GMDS: variants seen among roughly 807,000 people sequenced by gnomAD.
GMDS encodes GDP-mannose 4,6-dehydratase.
A neutral mutation model predicts 49.9 loss-of-function variants in GMDS; 20 were observed. The observed-to-expected ratio is 0.40, with a 90% confidence interval of 0.28 to 0.58. The LOEUF (loss-of-function observed/expected upper bound fraction) is 0.58, where lower values mean the gene tolerates loss of function less well. Among genes scored for constraint, GMDS ranks in the 20% least tolerant of loss-of-function variants. GMDS has a pLI of 0.42. For synonymous variants in GMDS, 177 were observed against 178.6 expected (o/e 0.99, Z 0.07); for missense variants, 362 against 481.4 (o/e 0.75, Z 2.32).
intron 4 of GMDS, among the ~76,000 whole-genome samples, chr6:2,024,083 A>T (rs2127408670): frequency 6.6e-6 from 1 of 152,302 alleles, no homozygotes; most frequent in Non-Finnish European, 1.5e-5. Context: ...AAAATTGAGG[A>T]GAAAAGAATC....
chr6:1,731,842 G>C (rs1766820484), intron 8 of GMDS, among the ~76,000 whole-genome samples: 1 of 152,174 alleles, frequency 6.6e-6, no homozygotes, highest in Admixed American at 6.5e-5. Context: ...CACGGGGTCA[G>C]GTCAGAGGCT....
Position 1,833,706 on chromosome 6 carries a change from T to A in GMDS, c.772-91120A>T, listed in dbSNP as rs1403527616. ...GCGAAGTTTAAAACTATAACCAAGGTTGTTTAAAAAACCATTTTCACATGG... is the reference window on the plus strand; with the variant it reads ...GCGAAGTTTAAAACTATAACCAAGGATGTTTAAAAAACCATTTTCACATGG... On this transcript the variant is annotated intron_variant, in intron 7 of 10. Coordinates refer to ENST00000380815, the MANE Select transcript of GMDS (RefSeq NM_001500.4). The surrounding 1 kb of genome is among the most constrained non-coding windows in gnomAD (Gnocchi z 4.4). Among the ~76,000 whole-genome samples the A allele has an allele frequency of 6.6e-6, 1 of 152,218 alleles. No individual in the cohort carries two copies. Among genetic ancestry groups the A allele is most frequent in the Non-Finnish European group, 1.5e-5 (1 of 68,038 alleles).
At chr6:2,161,031 AGACGGAGTCT>A (rs1777372679) in intron 1 of GMDS, among the ~76,000 whole-genome samples, 1 of 151,090 alleles carries the variant, frequency 6.6e-6, no homozygotes, top group Non-Finnish European at 1.5e-5. Context: ...TTTTTTTTTG[AGACGGAGTCT>A]CTCTCTGTTG....
intron 1 of GMDS, among the ~76,000 whole-genome samples, chr6:2,148,397 T>C (rs1361500432): frequency 1.3e-5 from 2 of 152,106 alleles, no homozygotes; most frequent in East Asian, 3.9e-4. Flanking sequence ...TGTATTCACA[T>C]CTATCAAGTT....
Position 1,624,032 on chromosome 6 carries a change from G to T in GMDS, c.*137C>A. The T allele has an allele frequency of 1.4e-6, 1 of 727,786 alleles. No homozygotes were observed. Among genetic ancestry groups the T allele is most frequent in the Non-Finnish European group, 2.3e-6 (1 of 444,356 alleles). 45.1% of individuals were successfully genotyped at this position (727,786 alleles called of 1,614,324 possible). ...TCGGCGGGGCGGCCCCGCTCTTGCG[G>T]CCGGGACAGCGCAGCGGCAGCAGGG... On this transcript the variant is annotated 3_prime_UTR_variant, in exon 11 of 11. Transcript: ENST00000380815.
chr6:1,665,248 C>T (rs547893434), intron 9 of GMDS, among the ~76,000 whole-genome samples: 1 of 152,336 alleles, frequency 6.6e-6, no homozygotes, highest in South Asian at 2.1e-4. Context: ...TCTCTCCCCC[C>T]TCCTGGCTTA....
chr6:1,889,301 G>A (rs192221742), intron 7 of GMDS, among the ~76,000 whole-genome samples: 32 of 152,152 alleles, frequency 2.1e-4, no homozygotes, highest in African/African-American at 7.5e-4. Context: ...CTTTGTGACT[G>A]CCCATTCTGT....
chr6:1,800,922 G>A (rs765124594), intron 7 of GMDS, among the ~76,000 whole-genome samples: 4 of 152,170 alleles, frequency 2.6e-5, no homozygotes, highest in Non-Finnish European at 4.4e-5. Flanking sequence ...GTAAACTTCT[G>A]GGAAGAACTG....
chr6:2,036,813 T>C (rs540222048), intron 4 of GMDS, among the ~76,000 whole-genome samples: 2 of 152,326 alleles, frequency 1.3e-5, no homozygotes, highest in South Asian at 2.1e-4. Context: ...CATGCTGATA[T>C]GTACTGTGAA....
rs116289903 is a variant in GMDS, at chr6:2,138,666, T to C, written c.103-13935A>G. 5.7e-3 allele frequency among the ~76,000 whole-genome samples: 864 copies of C among 152,308 alleles called. 2 individuals carry two copies. Among genetic ancestry groups the C allele is most frequent in the Middle Eastern group, 0.017 (5 of 294 alleles). ...TGCAGAACTGAGAGCCAAATAAGCC[T>C]CTTTTCTTTATAAGTTACACGGTCT... On this transcript the variant is annotated intron_variant, in intron 1 of 10. Coordinates refer to ENST00000380815, the MANE Select transcript of GMDS (RefSeq NM_001500.4).
At chr6:1,660,143 T>C (rs965399893) in intron 9 of GMDS, among the ~76,000 whole-genome samples, 6 of 152,148 alleles carry the variant, frequency 3.9e-5, no homozygotes, top group African/African-American at 1.4e-4. Context: ...ACCCGCATCC[T>C]TCCTTGCTAA....
intron 1 of GMDS, among the ~76,000 whole-genome samples, chr6:2,240,613 A>G (rs1781570271): frequency 6.6e-6 from 1 of 151,926 alleles, no homozygotes; most frequent in Non-Finnish European, 1.5e-5. Context: ...AAAAAAAAAA[A>G]AAAAAAAGAA....
At chr6:1,891,044 T>G (rs1232122278) in intron 7 of GMDS, among the ~76,000 whole-genome samples, 1 of 152,244 alleles carries the variant, frequency 6.6e-6, no homozygotes, top group Non-Finnish European at 1.5e-5. Context: ...AAAATCAACC[T>G]TATTTTCTTT....
intron 1 of GMDS, among the ~76,000 whole-genome samples, chr6:2,194,030 A>AT (rs34320046): frequency 1.9e-4 from 28 of 150,446 alleles, no homozygotes; most frequent in Middle Eastern, 3.4e-3. Flanking sequence ...CAAAAATGCT[A>AT]TTTTTTTTTA....
At chr6:1,857,841 A>C (rs1351150104) in intron 7 of GMDS, among the ~76,000 whole-genome samples, 1 of 152,168 alleles carries the variant, frequency 6.6e-6, no homozygotes, top group African/African-American at 2.4e-5. Context: ...TAGGAACTGC[A>C]TTTCTGTGAT....
chr6:1,797,722 C>A (rs1196213012), intron 7 of GMDS, among the ~76,000 whole-genome samples: 1 of 152,024 alleles, frequency 6.6e-6, no homozygotes, highest in East Asian at 1.9e-4. Context: ...GGATGTGTGG[C>A]AGAGCCGGTA....
intron 1 of GMDS, among the ~76,000 whole-genome samples, chr6:2,156,686 G>C (rs2127542044): frequency 6.6e-6 from 1 of 152,092 alleles, no homozygotes; most frequent in Admixed American, 6.5e-5. Flanking sequence ...TAAGAACTGA[G>C]ATTATGATTC....
At chr6:2,126,870 G>A (rs1033070341) in intron 1 of GMDS, among the ~76,000 whole-genome samples, 7 of 152,144 alleles carry the variant, frequency 4.6e-5, no homozygotes, top group Admixed American at 1.3e-4. Flanking sequence ...TAGACCTCAC[G>A]TGATCTGCCT....
At chr6:2,065,199 T>C (rs1335082745) in intron 4 of GMDS, among the ~76,000 whole-genome samples, 1 of 152,154 alleles carries the variant, frequency 6.6e-6, no homozygotes, top group Non-Finnish European at 1.5e-5. Flanking sequence ...CCAACAGACC[T>C]GCAGCTGAGG....
Sources: allele counts gnomAD v4.1 joint callset (sites outside exome capture counted in the v4.1 genomes callset), GRCh38; gene constraint gnomAD v4.1.1; non-coding constraint Gnocchi (gnomAD v3.1); transcripts MANE v1.5; gene names NCBI Gene and HGNC (gene_info 2026-07-23, HGNC 2026-07-21).